The following FAT3 variants were observed in gnomAD, a reference collection of about 807,000 sequenced individuals.
FAT3 encodes protocadherin Fat 3.
A neutral mutation model predicts 310.2 loss-of-function variants in FAT3; 95 were observed. That is an observed-to-expected ratio of 0.31 (90% CI 0.26 to 0.36). The LOEUF (loss-of-function observed/expected upper bound fraction) is 0.36, where lower values mean the gene tolerates loss of function less well. Among genes scored for constraint, FAT3 ranks in the 10% least tolerant of loss-of-function variants. The pLI is 1.00. For synonymous variants in FAT3, 2,314 were observed against 2,192.9 expected (o/e 1.06, Z -1.54); for missense variants, 5,408 against 5,715.6 (o/e 0.95, Z 1.74).
At chr11:92,720,576 C>CAGTATT (rs1944832631) in intron 4 of FAT3, among the ~76,000 whole-genome samples, 1 of 152,172 alleles carries the variant, frequency 6.6e-6, no homozygotes, top group Admixed American at 6.5e-5. Flanking sequence ...GGACTTTTGA[C>CAGTATT]AGTATTCCAC....
In FAT3 at chr11:92,798,392, C is replaced by T; in HGVS notation, c.5379C>T (p.Asn1793=). The change falls in exon 10 of 28, where the codon AAC becomes AAT. Residue 1793 remains asparagine, a synonymous_variant. Transcript: ENST00000525166. ...PINSIVRSLD[N]SPLVIRATDA... Reference sequence around the variant, plus strand: ...ATAGCATTGTCAGGAGCTTGGATAACAGCCCACTGGTGATTCGAGCCACAG... The same window carrying T: ...ATAGCATTGTCAGGAGCTTGGATAATAGCCCACTGGTGATTCGAGCCACAG... 6.2e-7 allele frequency: 1 copy of T among 1,613,162 alleles called. No individual in the cohort carries two copies. The highest frequency in any genetic ancestry group is 8.5e-7 in the Non-Finnish European group (1 of 1,179,736).
chr11:92,866,624 A>G (rs1949253521), intron 21 of FAT3, 117 bp from the exon 22 acceptor site: 1 of 880,822 alleles, frequency 1.1e-6, no homozygotes. Context: ...GTAGAGCAAA[A>G]GTCATGTCCA....
intron 2 of FAT3, among the ~76,000 whole-genome samples, chr11:92,506,916 C>T (rs1953116510): frequency 6.6e-6 from 1 of 152,148 alleles, no homozygotes; most frequent in South Asian, 2.1e-4. Flanking sequence ...TGACAACAGG[C>T]TAATATTAAA....
rs1436063082 is a variant in FAT3, at chr11:92,798,601, C to G, written c.5588C>G (p.Ala1863Gly). 9.9e-6 allele frequency: 16 copies of G among 1,613,710 alleles called. No individual in the cohort carries two copies. The highest frequency in any genetic ancestry group is 1.4e-5 in the Non-Finnish European group (16 of 1,179,852). Residue 1863 changes from alanine (A) to glycine (G), a missense_variant, in exon 10 of 28, where the codon GCA becomes GGA. Ala to Gly is a moderately conservative substitution (Grantham distance 60). This residue lies in a region of FAT3 where 4,588 missense variants were observed against 4,809.8 expected (regional missense o/e 0.95). Coordinates refer to ENST00000525166, the MANE Select transcript of FAT3 (RefSeq NM_001367949.2). ...VRDSGSPQLT[A>G]ESPVEVNIEV... is the part of the protein sequence containing the mutation. ...GACAGTGGTAGCCCCCAACTGACTG[C>G]AGAGAGTCCCGTTGAAGTCAACATT...
At chr11:92,263,345 A>G (rs1353809037) in intron 1 of FAT3, among the ~76,000 whole-genome samples, 2 of 152,024 alleles carry the variant, frequency 1.3e-5, no homozygotes, top group African/African-American at 2.4e-5. Flanking sequence ...CACACCACAC[A>G]CACACATATT....
At chr11:92,440,480 G>C (rs1951041767) in intron 2 of FAT3, among the ~76,000 whole-genome samples, 1 of 152,192 alleles carries the variant, frequency 6.6e-6, no homozygotes, top group Non-Finnish European at 1.5e-5. Flanking sequence ...CCCTTCCAGA[G>C]TGCCCTGAAT....
At chr11:92,416,645 G>A (rs894148367) in intron 2 of FAT3, among the ~76,000 whole-genome samples, 2 of 152,304 alleles carry the variant, frequency 1.3e-5, no homozygotes, top group Admixed American at 1.3e-4. Context: ...AAACAGCTCT[G>A]ACTTACTTGG....
intron 1 of FAT3, among the ~76,000 whole-genome samples, chr11:92,234,182 G>A (rs1864313719): frequency 6.6e-6 from 1 of 152,100 alleles, no homozygotes; most frequent in Non-Finnish European, 1.5e-5. Context: ...AACAGATGTG[G>A]CAAATTATTT....
intron 3 of FAT3, among the ~76,000 whole-genome samples, chr11:92,565,918 A>T (rs552804448): frequency 6.6e-4 from 101 of 152,166 alleles, no homozygotes; most frequent in African/African-American, 2.3e-3. Context: ...TGACAAAACC[A>T]CAGCCAATAT....
chr11:92,327,905 A>C (rs1404522012), intron 1 of FAT3, among the ~76,000 whole-genome samples: 3 of 152,194 alleles, frequency 2.0e-5, no homozygotes, highest in Non-Finnish European at 4.4e-5. Context: ...CTTGATCTAA[A>C]CAGTTACAAA....
chr11:92,408,792 A>AT (rs1950192226), intron 2 of FAT3, among the ~76,000 whole-genome samples: 2 of 152,216 alleles, frequency 1.3e-5, no homozygotes, highest in Non-Finnish European at 2.9e-5. Context: ...ATTAGAAAGC[A>AT]TATGAACTCC....
intron 2 of FAT3, among the ~76,000 whole-genome samples, chr11:92,394,636 T>C (rs1391425893): frequency 3.3e-5 from 5 of 150,456 alleles, no homozygotes; most frequent in South Asian, 2.1e-4. Flanking sequence ...TTTCCTGAGA[T>C]ACAAAAAAAG....
intron 1 of FAT3, among the ~76,000 whole-genome samples, chr11:92,344,543 G>A (rs1307301229): frequency 2.6e-5 from 4 of 152,272 alleles, no homozygotes; most frequent in African/African-American, 7.2e-5. Flanking sequence ...ACTGTACACT[G>A]CTTCCTTTAA....
intron 2 of FAT3, among the ~76,000 whole-genome samples, chr11:92,468,699 C>G (rs1591330257): frequency 6.6e-6 from 1 of 152,070 alleles, no homozygotes; most frequent in African/African-American, 2.4e-5. Context: ...GCAAACATGT[C>G]CTTCTTCATC....
intron 26 of FAT3, among the ~76,000 whole-genome samples, chr11:92,889,492 G>T (rs1370563979): frequency 6.6e-6 from 1 of 151,692 alleles, no homozygotes; most frequent in Non-Finnish European, 1.5e-5. Context: ...CACCCAATTA[G>T]TTGCAATCCA....
intron 22 of FAT3, among the ~76,000 whole-genome samples, chr11:92,875,041 A>G (rs1479189388): frequency 6.6e-6 from 1 of 152,066 alleles, no homozygotes; most frequent in Non-Finnish European, 1.5e-5. Flanking sequence ...TATTTTTGAA[A>G]GTATTAATAA....
In FAT3 at chr11:92,831,977, C is replaced by T. The variant is rs114152693; in HGVS notation, c.9837C>T (p.Asn3279=). 1.3e-3 allele frequency: 1,998 copies of T among 1,558,790 alleles called. 23 individuals are homozygous for T. The African/African-American group carries it at 0.023, about 18-fold the overall frequency. The change falls in exon 14 of 28, where the codon AAC becomes AAT. Residue 3279 remains asparagine, a synonymous_variant. Coordinates refer to ENST00000525166, the MANE Select transcript of FAT3 (RefSeq NM_001367949.2). The stretch of plus-strand genomic sequence containing the variant: ...TCACTTATCTCATCCGGTCTGGGAA[C>T]GAACAAGGGAAATTTAAGATCAACC... ...AEITYLIRSG[N]EQGKFKINPK... is the part of the protein sequence containing the mutation.
intron 3 of FAT3, among the ~76,000 whole-genome samples, chr11:92,621,249 T>C (rs1165015051): frequency 2.0e-5 from 3 of 152,172 alleles, no homozygotes; most frequent in African/African-American, 7.2e-5. Flanking sequence ...ACATATGCTC[T>C]GGGTTGATCA....
At chr11:92,547,541 G>C (rs1334421025) in intron 3 of FAT3, among the ~76,000 whole-genome samples, 1 of 152,062 alleles carries the variant, frequency 6.6e-6, no homozygotes, top group Admixed American at 6.6e-5. Context: ...GAAAGACCAG[G>C]TTTGAAATTT....
Sources: gnomAD v4.1 joint callset for allele counts (sites outside exome capture counted in the v4.1 genomes callset) on GRCh38, gnomAD v4.1.1 for gene constraint, gnomAD v4.1.1 regional missense constraint, MANE v1.5 for transcripts, NCBI Gene and HGNC (gene_info 2026-07-23, HGNC 2026-07-21) for gene names.